Variants in MKLN1 observed in about 807,000 individuals in gnomAD.
The protein encoded by MKLN1 is muskelin 1.
A neutral mutation model predicts 99.0 loss-of-function variants in MKLN1; 18 were observed. That is an observed-to-expected ratio of 0.18 (90% CI 0.13 to 0.27). MKLN1 has a LOEUF of 0.27. Among genes scored for constraint, MKLN1 ranks in the 10% least tolerant of loss-of-function variants. The pLI, the probability that MKLN1 is intolerant of heterozygous loss-of-function variation, is 1.00. For synonymous variants in MKLN1, 288 were observed against 293.2 expected (o/e 0.98, Z 0.18); for missense variants, 621 against 875.9 (o/e 0.71, Z 3.67).
At chr7:131,274,199 G>C (rs1797927956) in intron 3 of MKLN1, among the ~76,000 whole-genome samples, 1 of 152,124 alleles carries the variant, frequency 6.6e-6, no homozygotes, top group Non-Finnish European at 1.5e-5. Flanking sequence ...TTTGTTCAAA[G>C]TCTCCAAGAT....
At chr7:131,419,259 T>G (rs965100992) in intron 8 of MKLN1, among the ~76,000 whole-genome samples, 14 of 143,440 alleles carry the variant, frequency 9.8e-5, no homozygotes, top group Admixed American at 6.9e-5. Context: ...TTTGTTTTTT[T>G]TTTTTTTTTG....
chr7:131,431,220 TCAAAAAAAAA>T (rs1427043451), intron 9 of MKLN1, among the ~76,000 whole-genome samples: 14 of 147,736 alleles, frequency 9.5e-5, no homozygotes, highest in South Asian at 8.6e-4. Context: ...AGACTCTGTC[TCAAAAAAAAA>T]CAAAAAAAAA....
intron 3 of MKLN1, among the ~76,000 whole-genome samples, chr7:131,241,051 A>G (rs1797394291): frequency 6.6e-6 from 1 of 152,194 alleles, no homozygotes; most frequent in Non-Finnish European, 1.5e-5. Flanking sequence ...CCTTTCATAC[A>G]TACTGAAAAT....
intron 3 of MKLN1, among the ~76,000 whole-genome samples, chr7:131,266,173 C>CAAAAAAAAAAAAAAAAAAAAAAAAAA (rs35332093): frequency 1.2e-5 from 1 of 86,576 alleles, no homozygotes; most frequent in Non-Finnish European, 2.2e-5. Flanking sequence ...GACTGCATCT[C>CAAAAAAAAAAAAAAAAAAAAAAAAAA]AAAAAAAAAA....
chr7:131,215,700 A>G (rs1348132244), intron 3 of MKLN1, among the ~76,000 whole-genome samples: 1 of 152,206 alleles, frequency 6.6e-6, no homozygotes, highest in Non-Finnish European at 1.5e-5. Flanking sequence ...CGATTACATT[A>G]TCCAAACAAG....
At chr7:131,134,547 G>A (rs1286445370) in intron 1 of MKLN1, among the ~76,000 whole-genome samples, 4 of 152,142 alleles carry the variant, frequency 2.6e-5, no homozygotes, top group Non-Finnish European at 5.9e-5. Context: ...TTCATATCCT[G>A]TTCAGCATCC....
intron 3 of MKLN1, among the ~76,000 whole-genome samples, chr7:131,245,853 A>G (rs1797479690): frequency 2.0e-5 from 3 of 152,234 alleles, no homozygotes; most frequent in East Asian, 1.9e-4. Context: ...ACGCATGACT[A>G]TAGTTTACTC....
chr7:131,169,056 G>A (rs1035191500), intron 2 of MKLN1, among the ~76,000 whole-genome samples: 4 of 151,996 alleles, frequency 2.6e-5, no homozygotes, highest in Admixed American at 6.6e-5. Context: ...TTAGTAAGAC[G>A]GGTTTCACCC....
At chr7:131,263,047 G>A (rs1331724544) in intron 3 of MKLN1, among the ~76,000 whole-genome samples, 1 of 152,054 alleles carries the variant, frequency 6.6e-6, no homozygotes, top group Non-Finnish European at 1.5e-5. Context: ...AAGAAAGTTA[G>A]ACCTAAAGGC....
intron 2 of MKLN1, among the ~76,000 whole-genome samples, chr7:131,381,623 TACC>T (rs551454706): frequency 6.6e-6 from 1 of 152,032 alleles, no homozygotes. Flanking sequence ...ACCTCATCAC[TACC>T]ACCACCACCA....
intron 7 of MKLN1, among the ~76,000 whole-genome samples, chr7:131,412,311 GC>G (rs1339339957): frequency 6.6e-6 from 1 of 152,146 alleles, no homozygotes; most frequent in Non-Finnish European, 1.5e-5. Flanking sequence ...GTGTTGTAAT[GC>G]CATACACATG....
chr7:131,338,750 T>TAAAA (rs1799321515), intron 1 of MKLN1, among the ~76,000 whole-genome samples: 1 of 152,224 alleles, frequency 6.6e-6, no homozygotes, highest in African/African-American at 2.4e-5. Flanking sequence ...GTGTTTTCCT[T>TAAAA]CATTAACTGC....
chr7:131,427,138 G>C (rs1207906834), intron 8 of MKLN1, among the ~76,000 whole-genome samples: 1 of 152,190 alleles, frequency 6.6e-6, no homozygotes, highest in African/African-American at 2.4e-5. Flanking sequence ...TCCTGCTCCA[G>C]TGGCCTGTTC....
intron 3 of MKLN1, among the ~76,000 whole-genome samples, chr7:131,245,268 C>CTTTTT (rs34255726): frequency 1.5e-5 from 2 of 129,610 alleles, no homozygotes; most frequent in Non-Finnish European, 3.2e-5. Context: ...ATTATACGGT[C>CTTTTT]TTTTTTTTTT....
chr7:131,261,031 T>A (rs997190196), intron 3 of MKLN1, among the ~76,000 whole-genome samples: 25 of 152,118 alleles, frequency 1.6e-4, no homozygotes, highest in Non-Finnish European at 1.5e-4. Flanking sequence ...AACATAAAAC[T>A]ATAAAAACCC....
chr7:131,224,699 C>T (rs898367961), intron 3 of MKLN1, among the ~76,000 whole-genome samples: 12 of 151,262 alleles, frequency 7.9e-5, no homozygotes, highest in African/African-American at 2.7e-4. Context: ...CATGCCACTG[C>T]GTGACAGAGT....
At chr7:131,208,316 A>G (rs1006046634) in intron 3 of MKLN1, among the ~76,000 whole-genome samples, 1 of 152,200 alleles carries the variant, frequency 6.6e-6, no homozygotes, top group African/African-American at 2.4e-5. Context: ...TAACTCTGCT[A>G]GGCATGGTGG....
intron 3 of MKLN1, among the ~76,000 whole-genome samples, chr7:131,203,817 C>A (rs1376261374): frequency 1.3e-5 from 2 of 152,154 alleles, no homozygotes; most frequent in Non-Finnish European, 2.9e-5. Context: ...GACTTCTAGC[C>A]TGAACACTGG....
intron 3 of MKLN1, among the ~76,000 whole-genome samples, chr7:131,213,513 G>A (rs1761879740): frequency 6.6e-6 from 1 of 152,090 alleles, no homozygotes; most frequent in African/African-American, 2.4e-5. Context: ...TGACATTTTG[G>A]ACTAGATAAT....
Sources: allele counts gnomAD v4.1 joint callset (sites outside exome capture counted in the v4.1 genomes callset), GRCh38; gene constraint gnomAD v4.1.1; transcripts MANE v1.5; gene names NCBI Gene and HGNC (gene_info 2026-07-23, HGNC 2026-07-21).